TEX2: variants seen among roughly 807,000 people sequenced by gnomAD.
The protein encoded by TEX2 is testis-expressed protein 2.
In TEX2, 53 loss-of-function variants were observed where a neutral mutation model predicts 106.9. The observed-to-expected ratio is 0.50, with a 90% CI of 0.40 to 0.62. TEX2 has a LOEUF of 0.62. Among genes scored for constraint, TEX2 ranks in the 20% least tolerant of loss-of-function variants. The pLI, the probability that TEX2 is intolerant of heterozygous loss-of-function variation, is 0.00. For synonymous variants in TEX2, 523 were observed against 534.8 expected (o/e 0.98, Z 0.30); for missense variants, 1,207 against 1,379.0 (o/e 0.88, Z 1.98).
intron 2 of TEX2, among the ~76,000 whole-genome samples, chr17:64,211,136 T>C (rs1775598767): frequency 6.6e-6 from 1 of 152,088 alleles, no homozygotes; most frequent in Non-Finnish European, 1.5e-5. Context: ...AATTTTTGTA[T>C]TTTTAGTAGA....
Position 64,193,717 on chromosome 17 carries a change from C to T in TEX2, c.2018G>A (p.Arg673His), listed in dbSNP as rs201441573. The T allele has an allele frequency of 2.2e-5, 36 of 1,613,008 alleles. No homozygotes were observed. The highest frequency in any genetic ancestry group is 8.0e-5 in the African/African-American group (6 of 74,984). The change falls in exon 4 of 12, where the codon CGC becomes CAC. Residue 673 changes from arginine to histidine, a missense_variant. This residue lies in a region of TEX2 where 1,067 missense variants were observed against 1,193.6 expected (regional missense o/e 0.89). Coordinates refer to ENST00000584379, the MANE Select transcript of TEX2 (RefSeq NM_001288732.2). ...GCTAGATCTTGTTCCCTCCTGAGGG[C>T]GGGGTGGCTTCTTAGGGTCCTCACT... ...EGSEDPKKPP[R>H]PQEGTRSSQR...
intron 4 of TEX2, among the ~76,000 whole-genome samples, chr17:64,191,427 G>C (rs1193224317): frequency 6.6e-6 from 1 of 152,190 alleles, no homozygotes; most frequent in Non-Finnish European, 1.5e-5. Flanking sequence ...CTGATTCTGA[G>C]CTTCAGTGCC....
In TEX2 at chr17:64,188,421, G is replaced by T. The variant is rs757090746; in HGVS notation, c.2177-6C>A. The T allele has an allele frequency of 6.2e-7, 1 of 1,614,158 alleles. No homozygotes were observed. Reference sequence around the variant, plus strand: ...GCTGTGTGCAGGCAAAAGCCCTGGAGCCAAGAAGACGGGGGCTATTCACAC... The same window carrying T: ...GCTGTGTGCAGGCAAAAGCCCTGGATCCAAGAAGACGGGGGCTATTCACAC... On this transcript the variant is annotated splice_polypyrimidine_tract_variant and splice_region_variant and intron_variant, in intron 4 of 11. Transcript: ENST00000584379.
chr17:64,243,711 T>G (rs886361873), intron 1 of TEX2, among the ~76,000 whole-genome samples: 25 of 152,178 alleles, frequency 1.6e-4, no homozygotes, highest in Non-Finnish European at 3.4e-4. Flanking sequence ...GCATGCAAGT[T>G]TTGGTCTGTG....
At chr17:64,189,045 A>G (rs2143866707) in intron 4 of TEX2, among the ~76,000 whole-genome samples, 1 of 152,292 alleles carries the variant, frequency 6.6e-6, no homozygotes, top group East Asian at 1.9e-4. Context: ...CAGTGCTATC[A>G]GGGGTAAATG....
intron 5 of TEX2, among the ~76,000 whole-genome samples, chr17:64,178,962 A>G (rs990998674): frequency 6.6e-6 from 1 of 152,016 alleles, no homozygotes; most frequent in Admixed American, 6.6e-5. Flanking sequence ...GTTTGTGAGT[A>G]CTCCCAAGGT....
Position 64,249,730 on chromosome 17 carries a change from G to T in TEX2, c.-26+13438C>A, listed in dbSNP as rs557339685. 9.2e-5 allele frequency among the ~76,000 whole-genome samples: 14 copies of T among 152,114 alleles called. No individual in the cohort carries two copies. The South Asian group carries it at 2.7e-3, about 29-fold the overall frequency. ...GTTTTTTCTCTTCCCTAAGATTTTAGTACCTCCTGAAATAAAATTCACTTC... is the reference window on the plus strand; with the variant it reads ...GTTTTTTCTCTTCCCTAAGATTTTATTACCTCCTGAAATAAAATTCACTTC... On this transcript the variant is annotated intron_variant, in intron 1 of 11. Coordinates refer to ENST00000584379, the MANE Select transcript of TEX2 (RefSeq NM_001288732.2).
chr17:64,224,788 G>A (rs1223338482), intron 1 of TEX2, among the ~76,000 whole-genome samples: 4 of 152,144 alleles, frequency 2.6e-5, no homozygotes, highest in Non-Finnish European at 4.4e-5. Flanking sequence ...AGGGGGGTTC[G>A]AAAGCATCAA....
chr17:64,154,846 C>G lies in TEX2; in HGVS notation c.2926G>C (p.Glu976Gln). 6.2e-7 allele frequency: 1 copy of G among 1,600,442 alleles called. No homozygotes were observed. Among genetic ancestry groups the G allele is most frequent in the Non-Finnish European group, 8.5e-7 (1 of 1,173,608 alleles). The change falls in exon 9 of 12, where the codon GAA (glutamate) becomes CAA (glutamine). Residue 976 changes from glutamate (E) to glutamine (Q), a missense_variant. By Grantham distance (29) the Glu-to-Gln change is conservative (BLOSUM62 2). Transcript: ENST00000584379. ...CAGAAGCACTGATCCACTCACCCTT[C>G]AGCCCCTGGGAGGAGCTGTTTGTCT... is the stretch of plus-strand genomic sequence containing the variant. ...GGDKQLLPGA[E>Q]GYVGGHRTSK... is the part of the protein sequence containing the mutation.
intron 7 of TEX2, among the ~76,000 whole-genome samples, chr17:64,161,343 T>C (rs1195342516): frequency 6.6e-6 from 1 of 152,214 alleles, no homozygotes; most frequent in South Asian, 2.1e-4. Flanking sequence ...ACAAGGGAAG[T>C]GCTAAGACTT....
rs1196617539 is a variant in TEX2 at position 64,254,906 on chromosome 17, C to T, written c.-26+8262G>A. Reference sequence around the variant, plus strand: ...ATACAGGGTCTTATTCTGTCACCAACGCTGTGGTGCAGTGGTGCCATCATG... The same window carrying T: ...ATACAGGGTCTTATTCTGTCACCAATGCTGTGGTGCAGTGGTGCCATCATG... On this transcript the variant is annotated intron_variant, in intron 1 of 11. Coordinates refer to ENST00000584379, the MANE Select transcript of TEX2 (RefSeq NM_001288732.2). Among the ~76,000 whole-genome samples, 4 of 152,204 alleles carry T rather than the reference C, an allele frequency of 2.6e-5. No homozygotes were observed. In the East Asian group the frequency reaches 5.8e-4, roughly 22 times the overall value.
rs1299300264 is a variant in TEX2, at chr17:64,217,845, G to C, written c.-25-3603C>G. 6.6e-6 allele frequency among the ~76,000 whole-genome samples: 1 copy of C among 152,188 alleles called. No homozygotes were observed. Among genetic ancestry groups the C allele is most frequent in the Non-Finnish European group, 1.5e-5 (1 of 68,020 alleles). On this transcript the variant is annotated intron_variant, in intron 1 of 11. Transcript: ENST00000584379. This position sits in a 1 kb window ranked among gnomAD's most constrained non-coding sequence, Gnocchi z 4.3. ...CCCAAGCCTTGTGATGGGAAGGAGA[G>C]CTGTAGCTCATGTTGTCGCCAGGCT...
intron 1 of TEX2, among the ~76,000 whole-genome samples, chr17:64,254,244 G>A (rs534117013): frequency 6.6e-6 from 1 of 152,278 alleles, no homozygotes; most frequent in East Asian, 1.9e-4. Context: ...GCTCTTAAAG[G>A]AAGATCATGA....
chr17:64,206,427 T>C (rs1299510153), intron 2 of TEX2, among the ~76,000 whole-genome samples: 2 of 152,156 alleles, frequency 1.3e-5, no homozygotes, highest in African/African-American at 2.4e-5. Context: ...GCAACCTTTC[T>C]CCTATTTGCT....
At chr17:64,184,805 T>TA (rs1324538048) in intron 5 of TEX2, among the ~76,000 whole-genome samples, 1 of 152,238 alleles carries the variant, frequency 6.6e-6, no homozygotes, top group Non-Finnish European at 1.5e-5. Context: ...TGCCCATAGA[T>TA]ATCCAGTTGT....
At chr17:64,215,235 G>A (rs1034103690) in intron 1 of TEX2, among the ~76,000 whole-genome samples, 4 of 152,284 alleles carry the variant, frequency 2.6e-5, no homozygotes, top group Admixed American at 6.5e-5. Flanking sequence ...GCCCTACTAT[G>A]TAAAAATTAA....
intron 6 of TEX2, among the ~76,000 whole-genome samples, chr17:64,173,112 C>T (rs543746442): frequency 5.9e-5 from 9 of 152,274 alleles, no homozygotes; most frequent in South Asian, 2.1e-4. Flanking sequence ...TAATCTGTTC[C>T]GCCATCTTTA....
intron 6 of TEX2, among the ~76,000 whole-genome samples, chr17:64,172,643 C>A (rs1309134261): frequency 3.3e-5 from 5 of 152,184 alleles, no homozygotes; most frequent in Non-Finnish European, 5.9e-5. Flanking sequence ...CCAAGTTCTC[C>A]TTGCCTTTGC....
intron 7 of TEX2, among the ~76,000 whole-genome samples, chr17:64,162,525 C>T (rs2030933758): frequency 6.6e-6 from 1 of 152,154 alleles, no homozygotes; most frequent in Non-Finnish European, 1.5e-5. Flanking sequence ...TGAAAATGGA[C>T]ATATTAAAGG....
Sources: gnomAD v4.1 joint callset for allele counts (sites outside exome capture counted in the v4.1 genomes callset) on GRCh38, gnomAD v4.1.1 for gene constraint, gnomAD v4.1.1 regional missense constraint, Gnocchi (gnomAD v3.1) non-coding constraint, MANE v1.5 for transcripts, NCBI Gene and HGNC (gene_info 2026-07-23, HGNC 2026-07-21) for gene names.